Variants in DLC1 observed in about 807,000 individuals in gnomAD.
DLC1 encodes the protein rho GTPase-activating protein 7.
A neutral mutation model predicts 140.3 loss-of-function variants in DLC1; 54 were observed. The observed-to-expected ratio is 0.38, with a 90% confidence interval of 0.31 to 0.48. The LOEUF (loss-of-function observed/expected upper bound fraction) is 0.48. Among genes scored for constraint, DLC1 ranks in the 20% least tolerant of loss-of-function variants. The pLI is 0.96. For synonymous variants in DLC1, 986 were observed against 728.1 expected (o/e 1.35, Z -5.70); for missense variants, 2,536 against 1,907.0 (o/e 1.33, Z -6.14).
At chr8:13,308,074 C>G (rs897227444) in intron 4 of DLC1, among the ~76,000 whole-genome samples, 3 of 152,146 alleles carry the variant, frequency 2.0e-5, no homozygotes, top group African/African-American at 7.2e-5. Context: ...CACAAGTTGA[C>G]CAGTGACAAA....
chr8:13,398,662 C>G (rs1488597151), intron 3 of DLC1, among the ~76,000 whole-genome samples: 1 of 149,278 alleles, frequency 6.7e-6, no homozygotes, highest in Admixed American at 6.7e-5. Flanking sequence ...GTAGTCCCAA[C>G]TATACTTGCT....
chr8:13,599,780 T>C lies in DLC1; in HGVS notation c.-126+4757A>G, dbSNP rs141798055. On this transcript the variant is annotated intron_variant, in intron 1 of 1. Transcript: ENST00000631382. ...GTGGAATGGACAAGTTGATTCTCAA[T>C]AGGGAAATGCAAAGGTCCTTTAGTA... 3.6e-3 allele frequency among the ~76,000 whole-genome samples: 546 copies of C among 151,962 alleles called. 4 individuals carry two copies. Among genetic ancestry groups the C allele is most frequent in the African/African-American group, 0.012 (513 of 41,486 alleles).
rs114031813 is a variant in DLC1, at chr8:13,214,427, G to T, written c.1348+90842C>A. The T allele has an allele frequency of 5.4e-3, 2,678 of 495,922 alleles. 73 individuals are homozygous for T. Among genetic ancestry groups the T allele is most frequent in the African/African-American group, 0.046 (2,364 of 51,684 alleles). The allele number at this position is 495,922 out of a possible 1,614,324, so 30.7% of individuals were successfully genotyped here. Reference sequence around the variant, plus strand: ...CTATTTGCTTGGTCTGAAGGACCTTGCAGCTTTGCACTGTCAAACATGACC... The same window carrying T: ...CTATTTGCTTGGTCTGAAGGACCTTTCAGCTTTGCACTGTCAAACATGACC... On this transcript the variant is annotated intron_variant, in intron 5 of 17. Transcript: ENST00000276297.
chr8:13,170,540 C>T (rs1342337102), intron 5 of DLC1, among the ~76,000 whole-genome samples: 1 of 152,054 alleles, frequency 6.6e-6, no homozygotes, highest in East Asian at 1.9e-4. Context: ...ACCATCCTGG[C>T]CAACACGGTG....
chr8:13,460,900 C>G (rs1799625104), intron 2 of DLC1, among the ~76,000 whole-genome samples: 1 of 152,198 alleles, frequency 6.6e-6, no homozygotes, highest in South Asian at 2.1e-4. Flanking sequence ...AGGGGAAAAA[C>G]AGGGTCCTGT....
chr8:13,346,326 G>A (rs1451471000), intron 4 of DLC1, among the ~76,000 whole-genome samples: 1 of 152,190 alleles, frequency 6.6e-6, no homozygotes, highest in Non-Finnish European at 1.5e-5. Flanking sequence ...TGCTAATTTG[G>A]AGGGAAAAAC....
At chr8:13,461,235 TA>T (rs1799642983) in intron 2 of DLC1, among the ~76,000 whole-genome samples, 2 of 152,196 alleles carry the variant, frequency 1.3e-5, no homozygotes, top group South Asian at 4.1e-4. Context: ...AAAATATGTG[TA>T]GGAATAACAT....
intron 1 of DLC1, among the ~76,000 whole-genome samples, chr8:13,553,332 C>T (rs1381273725): frequency 6.7e-6 from 1 of 148,448 alleles, no homozygotes; most frequent in African/African-American, 2.5e-5. Context: ...TGTACTATAT[C>T]CCTTTCTCTC....
chr8:13,486,472 C>G (rs968713420), intron 2 of DLC1, among the ~76,000 whole-genome samples: 3 of 152,020 alleles, frequency 2.0e-5, no homozygotes, highest in African/African-American at 7.2e-5. Flanking sequence ...TTTCTGATTA[C>G]TTTTAAATTA....
chr8:13,135,549 G>A (rs1822501677), intron 5 of DLC1, among the ~76,000 whole-genome samples: 1 of 151,206 alleles, frequency 6.6e-6, no homozygotes, highest in African/African-American at 2.4e-5. Context: ...CGCTCAGGCT[G>A]CAGTGTAATA....
At chr8:13,113,918 A>G (rs990685075) in intron 6 of DLC1, among the ~76,000 whole-genome samples, 1 of 152,272 alleles carries the variant, frequency 6.6e-6, no homozygotes, top group African/African-American at 2.4e-5. Context: ...TCTAGGCTAC[A>G]TAAGGAAGAC....
intron 4 of DLC1, among the ~76,000 whole-genome samples, chr8:13,348,221 A>G (rs1187042600): frequency 1.3e-5 from 2 of 152,206 alleles, no homozygotes; most frequent in African/African-American, 2.4e-5. Context: ...GAGGTGGGAT[A>G]CAGCCTGGCT....
chr8:13,228,630 G>T (rs949745727), intron 5 of DLC1, among the ~76,000 whole-genome samples: 3 of 152,100 alleles, frequency 2.0e-5, no homozygotes, highest in African/African-American at 7.2e-5. Context: ...TGTGGCTGTA[G>T]TCCCAGCTAC....
chr8:13,325,522 A>T (rs1833302947), intron 4 of DLC1, among the ~76,000 whole-genome samples: 1 of 152,144 alleles, frequency 6.6e-6, no homozygotes, highest in African/African-American at 2.4e-5. Flanking sequence ...AAAATATAAA[A>T]GCTGGTTGAT....
intron 3 of DLC1, among the ~76,000 whole-genome samples, chr8:13,398,871 C>A (rs1837168980): frequency 6.6e-6 from 1 of 152,126 alleles, no homozygotes; most frequent in African/African-American, 2.4e-5. Context: ...GCACCTATAG[C>A]TATTTGCAGG....
chr8:13,199,161 G>A (rs1019425207), intron 5 of DLC1, among the ~76,000 whole-genome samples: 14 of 144,684 alleles, frequency 9.7e-5, no homozygotes, highest in Non-Finnish European at 1.7e-4. Flanking sequence ...ACTAGTAAAT[G>A]TCTCCTTCTC....
At chr8:13,516,609 C>A (rs17094446), upstream of DLC1, among the ~76,000 whole-genome samples, 383 of 152,158 alleles carry the variant, frequency 2.5e-3, 3 homozygotes, top group African/African-American at 8.5e-3. Context: ...CAAATAAAAA[C>A]GTTTGGTCAG....
rs1412667133 is a variant in DLC1, at chr8:13,249,492, C to T, written c.1348+55777G>A. Among the ~76,000 whole-genome samples, 13 of 152,154 alleles carry T rather than the reference C, an allele frequency of 8.5e-5. No homozygotes were observed. The East Asian group carries it at 2.3e-3, about 27-fold the overall frequency. ...TCCTTGTCATGGTACCCACTGCCACCGTGATCCCATTTCTATCAGTCTCAG... is the reference window on the plus strand; with the variant it reads ...TCCTTGTCATGGTACCCACTGCCACTGTGATCCCATTTCTATCAGTCTCAG... On this transcript the variant is annotated intron_variant, in intron 5 of 17. Coordinates refer to ENST00000276297, the MANE Select transcript of DLC1 (RefSeq NM_182643.3).
chr8:13,578,409 C>A (rs1240296012), intron 1 of DLC1, among the ~76,000 whole-genome samples: 7 of 152,132 alleles, frequency 4.6e-5, no homozygotes, highest in Admixed American at 6.5e-5. Context: ...CCTGCTACAC[C>A]AAGCAATTCT....
Sources: allele counts gnomAD v4.1 joint callset (sites outside exome capture counted in the v4.1 genomes callset), GRCh38; gene constraint gnomAD v4.1.1; transcripts MANE v1.5; gene names NCBI Gene and HGNC (gene_info 2026-07-23, HGNC 2026-07-21).